Variants in CPNE8 observed in about 807,000 individuals in gnomAD.
CPNE8 encodes copine 8.
In CPNE8, 45 loss-of-function variants were observed where a neutral mutation model predicts 81.5. That is an observed-to-expected ratio of 0.55 (90% CI 0.44 to 0.71). The LOEUF (loss-of-function observed/expected upper bound fraction) is 0.71. CPNE8 is among the 30% of genes least tolerant of loss of function. CPNE8 has a pLI of 0.00. For missense variants in CPNE8, 594 were observed against 672.1 expected (o/e 0.88, Z 1.28); for synonymous variants, 252 against 226.3 (o/e 1.11, Z -1.02).
chr12:38,798,426 A>C (rs1202607815), intron 6 of CPNE8, among the ~76,000 whole-genome samples: 2 of 152,204 alleles, frequency 1.3e-5, no homozygotes, highest in East Asian at 3.9e-4. Flanking sequence ...TTTTCAACCC[A>C]GAATTTCATA....
At position 38,839,955 on chromosome 12, in the gene CPNE8, C is replaced by T. The variant is rs746690446; in HGVS notation, c.291G>A (p.Leu97=). The stretch of plus-strand genomic sequence containing the variant: ...TGGGGCTCTTTGAATCAACATCATA[C>T]CTAAAAGATTGAAATATAAAACTCA... The part of the protein sequence containing the change: ...FEERENLRFD[L]YDVDSKSPNL... Residue 97 remains leucine (L), a splice_region_variant and synonymous_variant, in exon 5 of 20, where the codon TTG becomes TTA. Coordinates refer to ENST00000331366, the MANE Select transcript of CPNE8 (RefSeq NM_153634.3). 6 of 1,578,632 alleles carry T rather than the reference C, an allele frequency of 3.8e-6. No individual in the cohort carries two copies. Among genetic ancestry groups the T allele is most frequent in the South Asian group, 2.3e-5 (2 of 86,654 alleles).
chr12:38,797,477 C>T (rs1942519456), intron 6 of CPNE8, among the ~76,000 whole-genome samples: 1 of 152,180 alleles, frequency 6.6e-6, no homozygotes. Context: ...AACAGACCTG[C>T]AGCTGAGGGT....
At chr12:38,752,351 C>T (rs1941367537) in intron 10 of CPNE8, among the ~76,000 whole-genome samples, 1 of 152,134 alleles carries the variant, frequency 6.6e-6, no homozygotes, top group African/African-American at 2.4e-5. Context: ...TATAAAAATA[C>T]AAAGATATCT....
intron 1 of CPNE8, among the ~76,000 whole-genome samples, chr12:38,895,300 G>A (rs1412431611): frequency 6.6e-6 from 1 of 152,006 alleles, no homozygotes; most frequent in African/African-American, 2.4e-5. Flanking sequence ...CAAGTTAAAC[G>A]GTGACTTCCC....
chr12:38,701,374 CT>C (rs2136687973), intron 14 of CPNE8, among the ~76,000 whole-genome samples: 1 of 152,162 alleles, frequency 6.6e-6, no homozygotes, highest in East Asian at 1.9e-4. Flanking sequence ...AAATGTTTGT[CT>C]TTTTATTTAA....
chr12:38,658,908 A>G (rs1294152466), intron 19 of CPNE8, among the ~76,000 whole-genome samples: 9 of 152,228 alleles, frequency 5.9e-5, no homozygotes, highest in Admixed American at 5.9e-4. Context: ...AACACTAAAT[A>G]TGGAAAGGAA....
At chr12:38,759,337 C>T (rs1348859950) in intron 10 of CPNE8, among the ~76,000 whole-genome samples, 4 of 152,116 alleles carry the variant, frequency 2.6e-5, no homozygotes, top group Non-Finnish European at 4.4e-5. Context: ...GGCATAAAGT[C>T]CTTTACTCAG....
intron 15 of CPNE8, 98 bp from the exon 16 acceptor site, chr12:38,685,715 C>T (rs1939518435): frequency 1.6e-6 from 2 of 1,261,950 alleles, no homozygotes; most frequent in Non-Finnish European, 1.1e-6. Flanking sequence ...CACGTTGACA[C>T]TCATATTTTT....
At chr12:38,748,158 G>A (rs1350209211) in intron 10 of CPNE8, among the ~76,000 whole-genome samples, 2 of 151,090 alleles carry the variant, frequency 1.3e-5, no homozygotes, top group Non-Finnish European at 3.0e-5. Context: ...TTACAGGCAT[G>A]AGCCACCACG....
chr12:38,658,585 G>C (rs186996287), intron 19 of CPNE8, among the ~76,000 whole-genome samples: 78 of 152,182 alleles, frequency 5.1e-4, no homozygotes, highest in Non-Finnish European at 8.7e-4. Context: ...GCAACCCCAA[G>C]ACATATAATT....
At chr12:38,849,637 T>C (rs896021483) in intron 3 of CPNE8, among the ~76,000 whole-genome samples, 1 of 152,182 alleles carries the variant, frequency 6.6e-6, no homozygotes, top group Non-Finnish European at 1.5e-5. Flanking sequence ...TGACATAGGA[T>C]TTACTAAGGC....
chr12:38,797,302 T>A (rs987087015), intron 6 of CPNE8, among the ~76,000 whole-genome samples: 1 of 151,954 alleles, frequency 6.6e-6, no homozygotes, highest in Non-Finnish European at 1.5e-5. Flanking sequence ...CACCCCCCAG[T>A]AGGGGCAGAC....
intron 1 of CPNE8, among the ~76,000 whole-genome samples, chr12:38,891,222 C>A (rs529748363): frequency 1.3e-5 from 2 of 152,018 alleles, no homozygotes; most frequent in Non-Finnish European, 2.9e-5. Context: ...TGAGCCACTG[C>A]GCCTGGCCAA....
rs142548495 is a variant in CPNE8, at chr12:38,873,291, C to T, written c.140-241G>A. Reference sequence around the variant, plus strand: ...AACTTAGTATGAATTGAGCTTGGCACATAAAATAATAAGTACTTGCTAAGG... The same window carrying T: ...AACTTAGTATGAATTGAGCTTGGCATATAAAATAATAAGTACTTGCTAAGG... On this transcript the variant is annotated intron_variant, in intron 2 of 19. Coordinates refer to ENST00000331366, the MANE Select transcript of CPNE8 (RefSeq NM_153634.3). 3.2e-3 allele frequency among the ~76,000 whole-genome samples: 486 copies of T among 152,166 alleles called. 5 individuals carry two copies. Among genetic ancestry groups the T allele is most frequent in the Non-Finnish European group, 4.4e-3 (300 of 67,984 alleles).
intron 2 of CPNE8, 46 bp from the exon 3 acceptor site, chr12:38,873,096 A>T (rs1274689745): frequency 1.7e-6 from 2 of 1,176,210 alleles, no homozygotes; most frequent in Admixed American, 4.0e-5. Context: ...CTTTTATGAA[A>T]ATCATATGTG....
At chr12:38,693,620 T>G in intron 15 of CPNE8, 37 bp downstream of exon 15, 3 of 1,565,038 alleles carry the variant, frequency 1.9e-6, no homozygotes, top group Non-Finnish European at 2.6e-6. Flanking sequence ...CTAACATTAA[T>G]TTTTCAAAAC....
chr12:38,899,218 GTGA>G (rs1014386128), intron 1 of CPNE8, among the ~76,000 whole-genome samples: 23 of 152,182 alleles, frequency 1.5e-4, no homozygotes, highest in African/African-American at 5.1e-4. Context: ...AACCCCTAAT[GTGA>G]TGATATTAGG....
At chr12:38,794,534 C>T (rs1297641162) in intron 6 of CPNE8, among the ~76,000 whole-genome samples, 1 of 151,366 alleles carries the variant, frequency 6.6e-6, no homozygotes, top group East Asian at 1.9e-4. Context: ...ATACAAATGG[C>T]CAAATACATA....
At chr12:38,739,288 T>C (rs929402824) in intron 10 of CPNE8, among the ~76,000 whole-genome samples, 1 of 152,188 alleles carries the variant, frequency 6.6e-6, no homozygotes, top group Non-Finnish European at 1.5e-5. Context: ...CATAAAAGAC[T>C]TTTTATTAGA....
Sources: allele counts gnomAD v4.1 joint callset (sites outside exome capture counted in the v4.1 genomes callset), GRCh38; gene constraint gnomAD v4.1.1; transcripts MANE v1.5; gene names NCBI Gene and HGNC (gene_info 2026-07-23, HGNC 2026-07-21).